Variants in LIPK observed in about 807,000 individuals in gnomAD.
The protein encoded by LIPK is lipase family member K.
In LIPK, 32 loss-of-function variants were observed where a neutral mutation model predicts 48.6. The ratio of observed to expected loss-of-function variants is 0.66; its 90% CI spans 0.50 to 0.88. LIPK has a LOEUF of 0.88. Among genes scored for constraint, LIPK ranks in the 40% least tolerant of loss-of-function variants. The probability of loss-of-function intolerance (pLI) is 0.00; values close to 1 mark genes in which losing one functional copy is unlikely to be tolerated. For missense variants in LIPK, 507 were observed against 478.5 expected (o/e 1.06, Z -0.56); for synonymous variants, 164 against 157.4 (o/e 1.04, Z -0.32).
intron 2 of LIPK, among the ~76,000 whole-genome samples, chr10:88,726,070 A>G (rs1842331537): frequency 1.2e-5 from 1 of 84,754 alleles, no homozygotes; most frequent in South Asian, 4.6e-4. Context: ...TCGGGCTTCC[A>G]GTAACTGCTT....
intron 1 of LIPK, among the ~76,000 whole-genome samples, chr10:88,714,224 C>T (rs954181420): frequency 6.6e-6 from 1 of 151,998 alleles, no homozygotes; most frequent in Non-Finnish European, 1.5e-5. Flanking sequence ...TTTCTATTTT[C>T]CTAAAAATTT....
intron 6 of LIPK, among the ~76,000 whole-genome samples, chr10:88,733,983 T>C (rs1317006999): frequency 1.3e-5 from 2 of 152,198 alleles, no homozygotes; most frequent in Admixed American, 1.3e-4. Context: ...TCTAGGAGTT[T>C]AGACTTTGTT....
intron 9 of LIPK, 111 bp from the exon 10 acceptor site, chr10:88,752,406 A>T: frequency 1.4e-6 from 1 of 711,932 alleles, no homozygotes; most frequent in Non-Finnish European, 2.3e-6. Context: ...AGTGTAAACT[A>T]ATTGTACACT....
intron 2 of LIPK, among the ~76,000 whole-genome samples, chr10:88,724,863 C>A (rs1053818488): frequency 2.0e-5 from 3 of 152,194 alleles, no homozygotes; most frequent in Non-Finnish European, 1.5e-5. Flanking sequence ...GTGGTTTGAA[C>A]TACCATCCAG....
intron 1 of LIPK, among the ~76,000 whole-genome samples, chr10:88,724,235 C>T (rs1027617163): frequency 1.3e-5 from 2 of 152,158 alleles, no homozygotes; most frequent in Non-Finnish European, 2.9e-5. Flanking sequence ...CTTTTCTACA[C>T]ATTATCTATT....
chr10:88,722,083 G>A (rs1287007802), intron 1 of LIPK, among the ~76,000 whole-genome samples: 1 of 152,094 alleles, frequency 6.6e-6, no homozygotes, highest in African/African-American at 2.4e-5. Flanking sequence ...GGATCAGCAG[G>A]AGTCAGGAGT....
chr10:88,751,959 A>G (rs1052074090), intron 9 of LIPK, among the ~76,000 whole-genome samples: 17 of 152,182 alleles, frequency 1.1e-4, no homozygotes, highest in Admixed American at 8.5e-4. Flanking sequence ...TGTTGTATCA[A>G]TACAAGAAAG....
Position 88,726,852 on chromosome 10 carries a change from G to T in LIPK, c.163G>T (p.Asp55Tyr). The T allele has an allele frequency of 6.2e-7, 1 of 1,608,904 alleles. No homozygotes were observed. Among genetic ancestry groups the T allele is most frequent in the Non-Finnish European group, 8.5e-7 (1 of 1,176,224 alleles). The change falls in exon 3 of 10, where the codon GAT becomes TAT. Residue 55 changes from aspartate (D) to tyrosine (Y), a missense_variant. Asp to Tyr is a radical substitution (Grantham distance 160). Transcript: ENST00000404190. ...PYEEYDVTTK[D>Y]GYILGIYRIP... ...TGAAGAGTATGATGTTACAACAAAA[G>T]ATGGTTATATCCTTGGAATTTATAG...
At chr10:88,732,090 G>A (rs915807272) in intron 4 of LIPK, 88 bp from the exon 5 acceptor site, 17 of 828,770 alleles carry the variant, frequency 2.1e-5, no homozygotes, top group Non-Finnish European at 2.9e-5. Context: ...CAAAATCAAA[G>A]TATTTATGTC....
At position 88,710,745 on chromosome 10, in the gene LIPK, T is replaced by C. The variant is rs562450481; in HGVS notation, c.-12+4425T>C. On this transcript the variant is annotated intron_variant, in intron 1 of 9. Transcript: ENST00000404190. ...CTACTACTAATGGACATTTGTATTA[T>C]TTTCAATAATTTGCTATTTGTGAAT... Among the ~76,000 whole-genome samples, 4 of 152,324 alleles carry C rather than the reference T, an allele frequency of 2.6e-5. No homozygotes were observed. The South Asian group carries it at 8.3e-4, about 32-fold the overall frequency.
At chr10:88,735,045 A>C (rs1433036847) in intron 6 of LIPK, among the ~76,000 whole-genome samples, 1 of 152,150 alleles carries the variant, frequency 6.6e-6, no homozygotes, top group Non-Finnish European at 1.5e-5. Context: ...CATTCAACTC[A>C]GTTCATGAGA....
Position 88,727,757 on chromosome 10 carries a change from C to G in LIPK, c.223+845C>G, listed in dbSNP as rs529625439. ...TGTGACCCAGAGTCTGCTGAGCTCCCTAAAAGTGGAGGTGGATCCCAACAT... is the reference window on the plus strand; with the variant it reads ...TGTGACCCAGAGTCTGCTGAGCTCCGTAAAAGTGGAGGTGGATCCCAACAT... On this transcript the variant is annotated intron_variant, in intron 3 of 9. Coordinates refer to ENST00000404190, the MANE Select transcript of LIPK (RefSeq NM_001080518.2). The G allele has an allele frequency of 5.5e-5, 14 of 252,820 alleles. No homozygotes were observed. The South Asian group carries it at 7.1e-4, about 13-fold the overall frequency. The allele number at this position is 252,820 out of a possible 1,614,324, so 15.7% of individuals were successfully genotyped here.
rs750324716 is a variant in LIPK at position 88,732,554 on chromosome 10, A to G, written c.669+3A>G. 3 of 1,591,638 alleles carry G rather than the reference A, an allele frequency of 1.9e-6. No individual in the cohort carries two copies. In the South Asian group the frequency reaches 3.5e-5, roughly 18 times the overall value. ...CCCTTTCCAGGCGAGTAGTTAAGGT[A>G]TGTGACTTCCCAAGTTTTAATCTGA... On this transcript the variant is annotated splice_donor_region_variant and intron_variant, in intron 6 of 9. Transcript: ENST00000404190.
chr10:88,728,721 T>A (rs1842398942), intron 3 of LIPK: 3 of 314,332 alleles, frequency 9.5e-6, no homozygotes, highest in South Asian at 3.0e-5. Flanking sequence ...AAGCAGTGGC[T>A]ACCCAGGTGG....
At chr10:88,724,468 T>A in intron 1 of LIPK, 65 bp from the exon 2 acceptor site, 1 of 958,094 alleles carries the variant, frequency 1.0e-6, no homozygotes, top group Non-Finnish European at 1.6e-6. Context: ...TATAAAAAGA[T>A]TACACCAAAT....
chr10:88,707,817 C>G (rs939170117), intron 1 of LIPK, among the ~76,000 whole-genome samples: 8 of 152,160 alleles, frequency 5.3e-5, no homozygotes, highest in African/African-American at 1.7e-4. Context: ...TGTCTTTCAC[C>G]CTGTGGGTGG....
intron 1 of LIPK, among the ~76,000 whole-genome samples, chr10:88,714,108 T>G (rs907694599): frequency 2.0e-5 from 3 of 152,142 alleles, no homozygotes; most frequent in Non-Finnish European, 4.4e-5. Flanking sequence ...ACATGCTTTC[T>G]CTTGTTTCAT....
chr10:88,731,202 G>C, intron 4 of LIPK, 21 bp downstream of exon 4: 1 of 1,487,712 alleles, frequency 6.7e-7, no homozygotes, highest in Admixed American at 2.7e-5. Context: ...ACCTATTAAT[G>C]AATAAAATGT....
intron 1 of LIPK, among the ~76,000 whole-genome samples, chr10:88,723,774 G>GT (rs919749379): frequency 1.3e-5 from 2 of 150,010 alleles, no homozygotes; most frequent in Non-Finnish European, 3.0e-5. Context: ...TGATGTTTAG[G>GT]TTTTTTTTTT....
Sources: allele counts gnomAD v4.1 joint callset (sites outside exome capture counted in the v4.1 genomes callset), GRCh38; gene constraint gnomAD v4.1.1; transcripts MANE v1.5; gene names NCBI Gene and HGNC (gene_info 2026-07-23, HGNC 2026-07-21).